The following NIPAL4 variants were observed in gnomAD, a reference collection of about 807,000 sequenced individuals.
The protein encoded by NIPAL4 is NIPA like domain containing 4.
In NIPAL4, 21 loss-of-function variants were observed where a neutral mutation model predicts 31.6. The ratio of observed to expected loss-of-function variants is 0.67; its 90% CI spans 0.47 to 0.96. The LOEUF (loss-of-function observed/expected upper bound fraction) is 0.96, where lower values mean the gene tolerates loss of function less well. Ranked by LOEUF, NIPAL4 falls within the 40% of genes least tolerant of loss-of-function variation. The pLI is 0.00. For missense variants in NIPAL4, 438 were observed against 508.0 expected (o/e 0.86, Z 1.32); for synonymous variants, 175 against 211.1 (o/e 0.83, Z 1.48).
At position 157,468,824 on chromosome 5, in the gene NIPAL4, C is replaced by T; in HGVS notation, c.425+12C>T. ...AGTGTCCTCATAAGGTTATTGTCCC[C>T]TCTCTAGCTCTCTCTTTTTCTATTC... On this transcript the variant is annotated intron_variant, in intron 4 of 5. Transcript: ENST00000311946. 1 of 1,513,158 alleles carries T rather than the reference C, an allele frequency of 6.6e-7. No individual in the cohort carries two copies. Among genetic ancestry groups the T allele is most frequent in the African/African-American group, 1.4e-5 (1 of 71,926 alleles). 93.7% of individuals were successfully genotyped at this position (1,513,158 alleles called of 1,614,324 possible). A position where few individuals can be genotyped will look rare whatever the true frequency, so the allele number is the denominator to read the frequency against.
At chr5:157,471,922 C>T (rs1177814864) in intron 5 of NIPAL4, 105 bp downstream of exon 5, 1 of 834,380 alleles carries the variant, frequency 1.2e-6, no homozygotes, top group East Asian at 2.7e-5. Flanking sequence ...GTGCTGCCAC[C>T]TAGAGGAGAA....
intron 1 of NIPAL4, among the ~76,000 whole-genome samples, chr5:157,461,931 C>T (rs1211314487): frequency 6.6e-6 from 1 of 152,254 alleles, no homozygotes; most frequent in Non-Finnish European, 1.5e-5. Flanking sequence ...GTCTGTTCCA[C>T]CAAGATGCCA....
Position 157,460,239 on chromosome 5 carries a change from G to A in NIPAL4, c.-82G>A. 1 of 1,524,690 alleles carries A rather than the reference G, an allele frequency of 6.6e-7. No homozygotes were observed. The highest frequency in any genetic ancestry group is 8.8e-7 in the Non-Finnish European group (1 of 1,137,232). The allele number at this position is 1,524,690 out of a possible 1,614,324, so 94.4% of individuals were successfully genotyped here. On this transcript the variant is annotated 5_prime_UTR_variant, in exon 1 of 6. Transcript: ENST00000311946. ...GCTTCTCGCGCGCGAGCCACGCGGG[G>A]GACAAGTCGCGGCCACCTGCTCCGG...
intron 4 of NIPAL4, 116 bp downstream of exon 4, chr5:157,468,928 A>T: frequency 1.5e-6 from 1 of 674,130 alleles, no homozygotes; most frequent in Admixed American, 2.6e-5. Context: ...GGTTGGTCTC[A>T]GCCTCCAGAA....
intron 2 of NIPAL4, among the ~76,000 whole-genome samples, chr5:157,465,006 A>G (rs549902647): frequency 7.9e-4 from 121 of 152,310 alleles, no homozygotes; most frequent in African/African-American, 2.8e-3. Flanking sequence ...ATCTCAGTGA[A>G]AGGTTCCCAC....
chr5:157,466,986 G>A (rs1754291150), intron 2 of NIPAL4, 63 bp from the exon 3 acceptor site: 1 of 1,284,990 alleles, frequency 7.8e-7, no homozygotes, highest in African/African-American at 1.5e-5. Context: ...CAGAGAGTTA[G>A]GAAAGGTACC....
At chr5:157,465,068 C>T (rs1388430516) in intron 2 of NIPAL4, among the ~76,000 whole-genome samples, 1 of 152,144 alleles carries the variant, frequency 6.6e-6, no homozygotes, top group Non-Finnish European at 1.5e-5. Context: ...TTACTGTTAT[C>T]TCAGTGGGAG....
Position 157,472,554 on chromosome 5 carries a change from T to C in NIPAL4, c.809T>C (p.Ile270Thr). Residue 270 changes from isoleucine to threonine, a missense_variant, in exon 6 of 6, where the codon ATC becomes ACC. Ile to Thr is a moderately conservative substitution (Grantham distance 89). Transcript: ENST00000311946. ...CCGCTCCCCTACATCCTGTCCCTCATCCTGGCACTGTCCCTCAGCACTCAG... is the reference window on the plus strand; with the variant it reads ...CCGCTCCCCTACATCCTGTCCCTCACCCTGGCACTGTCCCTCAGCACTCAG... ...RHPLPYILSL[I>T]LALSLSTQVN... 2 of 1,613,914 alleles carry C rather than the reference T, an allele frequency of 1.2e-6. No individual in the cohort carries two copies. Among genetic ancestry groups the C allele is most frequent in the East Asian group, 4.5e-5 (2 of 44,878 alleles).
rs1055256035 is a variant in NIPAL4, at chr5:157,473,600, C to G, written c.*640C>G. On this transcript the variant is annotated 3_prime_UTR_variant, in exon 6 of 6. Coordinates refer to ENST00000311946, the MANE Select transcript of NIPAL4 (RefSeq NM_001099287.2). ...GAAAAATTTCAACCAGCTCATTCCC[C>G]GAGCACTCCAGCCTGGCAGTCAGCA... 6.6e-6 allele frequency: 1 copy of G among 152,314 alleles called. No individual in the cohort carries two copies. The highest frequency in any genetic ancestry group is 1.5e-5 in the Non-Finnish European group (1 of 68,090). 9.4% of individuals were successfully genotyped at this position (152,314 alleles called of 1,614,324 possible). A position where few individuals can be genotyped will look rare whatever the true frequency, so the allele number is the denominator to read the frequency against.
chr5:157,462,645 G>A (rs1016223117), intron 1 of NIPAL4, among the ~76,000 whole-genome samples: 3 of 152,196 alleles, frequency 2.0e-5, no homozygotes, highest in Admixed American at 6.5e-5. Context: ...CCATGTTTTG[G>A]CTTTGGGCAG....
At chr5:157,469,290 C>A (rs1754362858) in intron 4 of NIPAL4, among the ~76,000 whole-genome samples, 1 of 152,178 alleles carries the variant, frequency 6.6e-6, no homozygotes, top group South Asian at 2.1e-4. Flanking sequence ...GGGCATTGTT[C>A]TGAGGATTTA....
chr5:157,473,177 C>A lies in NIPAL4; in HGVS notation c.*217C>A. 1 of 470,898 alleles carries A rather than the reference C, an allele frequency of 2.1e-6. No homozygotes were observed. The highest frequency in any genetic ancestry group is 3.8e-5 in the Admixed American group (1 of 26,524). 29.2% of individuals were successfully genotyped at this position (470,898 alleles called of 1,614,324 possible). A position where few individuals can be genotyped will look rare whatever the true frequency, so the allele number is the denominator to read the frequency against. The stretch of plus-strand genomic sequence containing the variant: ...GAAACAGATTCAGTGACCAAATACC[C>A]AAGTTTACATCAGTGCCTGCAGGTT... On this transcript the variant is annotated 3_prime_UTR_variant, in exon 6 of 6. Transcript: ENST00000311946.
intron 4 of NIPAL4, among the ~76,000 whole-genome samples, chr5:157,469,843 T>C (rs1273492506): frequency 2.0e-5 from 3 of 152,204 alleles, no homozygotes; most frequent in Non-Finnish European, 4.4e-5. Context: ...ATAGAACTCA[T>C]GCTGTACAAC....
Position 157,460,300 on chromosome 5 carries a change from G to C in NIPAL4, c.-21G>C. 6.5e-7 allele frequency: 1 copy of C among 1,546,100 alleles called. No homozygotes were observed. On this transcript the variant is annotated 5_prime_UTR_variant, in exon 1 of 6. Transcript: ENST00000311946. ...CCCGGGCGCCGTCCGCCCGCGCGTC[G>C]GTTCGTGTGCCCCGGGCCCCATGGA...
In NIPAL4 at chr5:157,472,915, C is replaced by T; in HGVS notation, c.1170C>T (p.Thr390=). ...VLVDNIELAS[T]SSPEEKPKVF... is the part of the protein sequence containing the mutation. Reference sequence around the variant, plus strand: ...TGGACAATATAGAACTTGCCAGCACCTCATCACCAGAAGAGAAACCCAAAG... The same window carrying T: ...TGGACAATATAGAACTTGCCAGCACTTCATCACCAGAAGAGAAACCCAAAG... The change falls in exon 6 of 6, where the codon ACC becomes ACT. Residue 390 remains threonine, a synonymous_variant. Coordinates refer to ENST00000311946, the MANE Select transcript of NIPAL4 (RefSeq NM_001099287.2). 6.6e-7 allele frequency: 1 copy of T among 1,525,736 alleles called. No individual in the cohort carries two copies. Among genetic ancestry groups the T allele is most frequent in the Non-Finnish European group, 8.8e-7 (1 of 1,137,648 alleles). 94.5% of individuals were successfully genotyped at this position (1,525,736 alleles called of 1,614,324 possible).
chr5:157,460,585 T>C (rs1259091068), intron 1 of NIPAL4: 2 of 508,760 alleles, frequency 3.9e-6, no homozygotes, highest in Non-Finnish European at 7.5e-6. Context: ...GGAAAGTATG[T>C]CCCCTGGGTT....
In NIPAL4 at chr5:157,463,088, A is replaced by T; in HGVS notation, c.38-6A>T. The T allele has an allele frequency of 6.2e-7, 1 of 1,613,786 alleles. No individual in the cohort carries two copies. Among genetic ancestry groups the T allele is most frequent in the Non-Finnish European group, 8.5e-7 (1 of 1,179,692 alleles). On this transcript the variant is annotated splice_polypyrimidine_tract_variant and splice_region_variant and intron_variant, in intron 1 of 5. Coordinates refer to ENST00000311946, the MANE Select transcript of NIPAL4 (RefSeq NM_001099287.2). ...GTGACTCTCTCACTGTGGTCTTCCC[A>T]TCCAGGTTCCCTGCTCCACCTCTAC...
chr5:157,462,096 T>G (rs1397541643), intron 1 of NIPAL4, among the ~76,000 whole-genome samples: 1 of 152,166 alleles, frequency 6.6e-6, no homozygotes, highest in African/African-American at 2.4e-5. Flanking sequence ...ACACACAGCT[T>G]GAAAAAGGCT....
chr5:157,467,010 C>A (rs751172162), intron 2 of NIPAL4, 39 bp from the exon 3 acceptor site: 4 of 1,540,254 alleles, frequency 2.6e-6, no homozygotes, highest in Non-Finnish European at 3.6e-6. Flanking sequence ...GAAAGTGTGG[C>A]CAAGTTCCAT....
Sources: allele counts gnomAD v4.1 joint callset (sites outside exome capture counted in the v4.1 genomes callset), GRCh38; gene constraint gnomAD v4.1.1; transcripts MANE v1.5; gene names NCBI Gene and HGNC (gene_info 2026-07-23, HGNC 2026-07-21).